Variants in ADH1A observed in about 807,000 individuals in gnomAD.
The protein encoded by ADH1A is alcohol dehydrogenase 1A (class I), alpha polypeptide.
Under a neutral mutation model 35.2 loss-of-function variants are expected in ADH1A, and 29 were observed. The ratio of observed to expected loss-of-function variants is 0.82; its 90% CI spans 0.61 to 1.12. The LOEUF is 1.12. ADH1A is among the 50% of genes most tolerant of loss of function. The probability of loss-of-function intolerance (pLI) is 0.00; values close to 1 mark genes in which losing one functional copy is unlikely to be tolerated. For synonymous variants in ADH1A, 147 were observed against 164.8 expected (o/e 0.89, Z 0.83); for missense variants, 469 against 464.7 (o/e 1.01, Z -0.09).
rs28364295 is a variant in ADH1A at position 99,290,227 on chromosome 4, G to A, written c.18+670C>T. Among the ~76,000 whole-genome samples the A allele has an allele frequency of 3.4e-3, 510 of 152,210 alleles. 3 individuals carry two copies. The highest frequency in any genetic ancestry group is 0.012 in the African/African-American group (491 of 41,552). The stretch of plus-strand genomic sequence containing the variant: ...CTAGTGCTAATAAGTGATTCAAATT[G>A]TATTATTAATTTTCTGTAAAACCAT... On this transcript the variant is annotated intron_variant, in intron 1 of 8. Transcript: ENST00000209668.
In ADH1A at chr4:99,282,360, G is replaced by C. The variant is rs201934016; in HGVS notation, c.814C>G (p.Arg272Gly). 1 of 1,614,150 alleles carries C rather than the reference G, an allele frequency of 6.2e-7. No individual in the cohort carries two copies. Among genetic ancestry groups the C allele is most frequent in the South Asian group, 1.1e-5 (1 of 91,082 alleles). ...GVDFSFEVIG[R>G]LDTMMASLLC... is the part of the protein sequence containing the mutation. ...ATGGTACATACCATGGTGTCAAGCC[G>C]ACCGATGACTTCAAATGAAAAATCC... is the stretch of plus-strand genomic sequence containing the variant. Residue 272 changes from arginine to glycine, a missense_variant, in exon 6 of 9, where the codon CGG becomes GGG. Physicochemically the swap from Arg to Gly is moderately radical, Grantham distance 125. Transcript: ENST00000209668.
In ADH1A at chr4:99,286,985, C is replaced by T; in HGVS notation, c.124G>A (p.Val42Met). 6.2e-7 allele frequency: 1 copy of T among 1,613,628 alleles called. No individual in the cohort carries two copies. The highest frequency in any genetic ancestry group is 8.5e-7 in the Non-Finnish European group (1 of 1,179,798). ...PKAHEVRIKM[V>M]AVGICGTDDH... Reference sequence around the variant, plus strand: ...TCTGTGCCACAGATTCCTACAGCCACCATCTACAGAGTGAAGAGAAGATGT... The same window carrying T: ...TCTGTGCCACAGATTCCTACAGCCATCATCTACAGAGTGAAGAGAAGATGT... The change falls in exon 3 of 9, where the codon GTG (valine) becomes ATG (methionine). Residue 42 changes from valine to methionine, a missense_variant. Coordinates refer to ENST00000209668, the MANE Select transcript of ADH1A (RefSeq NM_000667.4).
chr4:99,277,255 A>G (rs1732891308), intron 8 of ADH1A, among the ~76,000 whole-genome samples: 1 of 152,124 alleles, frequency 6.6e-6, no homozygotes, highest in Admixed American at 6.6e-5. Flanking sequence ...TGGAAGTTTA[A>G]AAGACCTTTG....
At chr4:99,283,129 G>A (rs1579491336) in intron 5 of ADH1A, among the ~76,000 whole-genome samples, 1 of 152,140 alleles carries the variant, frequency 6.6e-6, no homozygotes, top group Admixed American at 6.5e-5. Context: ...GTTCATTTAT[G>A]TTCAGTAGTC....
At chr4:99,279,592 A>T (rs1240338590) in intron 7 of ADH1A, 28 bp from the exon 8 acceptor site, 2 of 1,598,194 alleles carry the variant, frequency 1.3e-6, no homozygotes, top group Admixed American at 3.5e-5. Flanking sequence ...TCATTGTTAG[A>T]TTCAACCAGG....
chr4:99,280,307 T>C (rs1228660677), intron 6 of ADH1A, 28 bp from the exon 7 acceptor site: 1 of 1,612,196 alleles, frequency 6.2e-7, no homozygotes, highest in Admixed American at 1.7e-5. Context: ...CTTAGCATTC[T>C]TAACATGGAG....
At position 99,284,899 on chromosome 4, in the gene ADH1A, T is replaced by C. The variant is rs762365123; in HGVS notation, c.260-96A>G. On this transcript the variant is annotated intron_variant, in intron 3 of 8. Coordinates refer to ENST00000209668, the MANE Select transcript of ADH1A (RefSeq NM_000667.4). The stretch of plus-strand genomic sequence containing the variant: ...ACATGTCTTTAAAACATTAGAAACA[T>C]GTGTCTTTAAAAGTCTCCAAGAAAT... The C allele has an allele frequency of 4.2e-5, 46 of 1,102,984 alleles. No homozygotes were observed. In the Middle Eastern group the frequency reaches 8.4e-4, roughly 20 times the overall value. 68.3% of individuals were successfully genotyped at this position (1,102,984 alleles called of 1,614,324 possible). A position where few individuals can be genotyped will look rare whatever the true frequency, so the allele number is the denominator to read the frequency against.
At chr4:99,290,806 A>G (rs368798109) in intron 1 of ADH1A, 91 bp downstream of exon 1, 105 of 1,318,986 alleles carry the variant, frequency 8.0e-5, no homozygotes, top group Non-Finnish European at 1.1e-4. Context: ...TAATTTAGAT[A>G]TGAATTTTAA....
At chr4:99,288,263 A>G (rs987535892) in intron 1 of ADH1A, among the ~76,000 whole-genome samples, 13 of 151,948 alleles carry the variant, frequency 8.6e-5, no homozygotes, top group African/African-American at 2.9e-4. Context: ...GAGAGGCTGT[A>G]CTGTTATCTG....
In ADH1A at chr4:99,282,343, T is replaced by C. The variant is rs1402222946; in HGVS notation, c.828+3A>G. 12 of 1,614,180 alleles carry C rather than the reference T, an allele frequency of 7.4e-6. No homozygotes were observed. Among genetic ancestry groups the C allele is most frequent in the Admixed American group, 1.7e-5 (1 of 60,022 alleles). ...AAATCTCAGGGCATGTCATGGTACA[T>C]ACCATGGTGTCAAGCCGACCGATGA... On this transcript the variant is annotated splice_donor_region_variant and intron_variant, in intron 6 of 8. Transcript: ENST00000209668.
chr4:99,277,703 TATATC>T (rs1213491463), intron 8 of ADH1A, among the ~76,000 whole-genome samples: 1 of 152,092 alleles, frequency 6.6e-6, no homozygotes, highest in Non-Finnish European at 1.5e-5. Context: ...GAGCCTAAAT[TATATC>T]ATGAGAATTT....
intron 3 of ADH1A, among the ~76,000 whole-genome samples, chr4:99,286,206 C>T (rs1296254012): frequency 4.6e-5 from 7 of 152,010 alleles, no homozygotes; most frequent in African/African-American, 1.2e-4. Flanking sequence ...ATTAGTAATC[C>T]GTAACCAGTT....
intron 6 of ADH1A, among the ~76,000 whole-genome samples, chr4:99,281,523 T>C (rs1733000913): frequency 6.6e-6 from 1 of 152,160 alleles, no homozygotes; most frequent in South Asian, 2.1e-4. Context: ...GGAGATTTGC[T>C]TGAGCCCAGG....
intron 6 of ADH1A, 25 bp downstream of exon 6, chr4:99,282,321 T>C (rs1177335642): frequency 6.2e-7 from 1 of 1,614,196 alleles, no homozygotes; most frequent in Non-Finnish European, 8.5e-7. Flanking sequence ...GAGGCAGAAA[T>C]CTCAGGGCAT....
rs770304105 is a variant in ADH1A at position 99,280,302 on chromosome 4, C to T, written c.829-23G>A. 7 of 1,612,238 alleles carry T rather than the reference C, an allele frequency of 4.3e-6. No individual in the cohort carries two copies. In the South Asian group the frequency reaches 7.7e-5, roughly 18 times the overall value. ...CATCTGGAATAAAGTGAACACTTAG[C>T]ATTCTTAACATGGAGTCGCATAGTT... On this transcript the variant is annotated intron_variant, in intron 6 of 8. Transcript: ENST00000209668.
chr4:99,287,217 A>T lies in ADH1A; in HGVS notation c.121-229T>A, dbSNP rs183940940. 5.4e-4 allele frequency among the ~76,000 whole-genome samples: 83 copies of T among 152,328 alleles called. 1 individual carries two copies. Among genetic ancestry groups the T allele is most frequent in the African/African-American group, 2.0e-3 (82 of 41,584 alleles). On this transcript the variant is annotated intron_variant, in intron 2 of 8. Coordinates refer to ENST00000209668, the MANE Select transcript of ADH1A (RefSeq NM_000667.4). Reference sequence around the variant, plus strand: ...TTTAGAATAATCTGTGAAGTAACTGATCCTGAAATAGTTAAGTCTTAAATA... The same window carrying T: ...TTTAGAATAATCTGTGAAGTAACTGTTCCTGAAATAGTTAAGTCTTAAATA...
At position 99,280,237 on chromosome 4, in the gene ADH1A, C is replaced by T. The variant is rs1457178407; in HGVS notation, c.871G>A (p.Val291Ile). ...GAATCAGGAGGTACCCCTACGATGA[C>T]ACTTGTGCCACATGCCTCATGACAA... is the stretch of plus-strand genomic sequence containing the variant. ...LCCHEACGTS[V>I]IVGVPPDSQN... Residue 291 changes from valine (V) to isoleucine (I), a missense_variant, in exon 7 of 9, where the codon GTC (valine) becomes ATC (isoleucine). Val to Ile is a conservative substitution (Grantham distance 29). Transcript: ENST00000209668. The T allele has an allele frequency of 5.0e-6, 8 of 1,613,768 alleles. No individual in the cohort carries two copies. Among genetic ancestry groups the T allele is most frequent in the African/African-American group, 1.3e-5 (1 of 74,980 alleles).
intron 1 of ADH1A, chr4:99,288,723 A>G (rs1233717017): frequency 1.3e-5 from 2 of 152,198 alleles, no homozygotes; most frequent in Admixed American, 6.5e-5. Context: ...TAAAGTACTA[A>G]TAGTAGGAGT....
Position 99,284,787 on chromosome 4 carries a change from T to G in ADH1A, c.276A>C (p.Pro92=). 6.2e-7 allele frequency: 1 copy of G among 1,614,098 alleles called. No individual in the cohort carries two copies. Among genetic ancestry groups the G allele is most frequent in the Non-Finnish European group, 8.5e-7 (1 of 1,179,988 alleles). The change falls in exon 4 of 9, where the codon CCA becomes CCC. Residue 92 remains proline, a synonymous_variant. Coordinates refer to ENST00000209668, the MANE Select transcript of ADH1A (RefSeq NM_000667.4). Reference sequence around the variant, plus strand: ...ATTTTCCACACTGAGGAATAGCGAGTGGGATGACTTTATCACCTGGAGAGG... The same window carrying G: ...ATTTTCCACACTGAGGAATAGCGAGGGGGATGACTTTATCACCTGGAGAGG... ...TTVKPGDKVI[P]LAIPQCGKCR... is the part of the protein sequence containing the mutation.
Sources: allele counts gnomAD v4.1 joint callset (sites outside exome capture counted in the v4.1 genomes callset), GRCh38; gene constraint gnomAD v4.1.1; transcripts MANE v1.5; gene names NCBI Gene and HGNC (gene_info 2026-07-23, HGNC 2026-07-21).